The following ABTB2 variants were observed in gnomAD, a reference collection of about 807,000 sequenced individuals.
ABTB2 encodes ankyrin repeat and BTB/POZ domain-containing protein 2.
Under a neutral mutation model 104.1 loss-of-function variants are expected in ABTB2, and 56 were observed. The observed-to-expected ratio is 0.54, with a 90% CI of 0.43 to 0.67. ABTB2 has a LOEUF of 0.67. ABTB2 is among the 30% of genes least tolerant of loss of function. The probability of loss-of-function intolerance (pLI) is 0.00; values close to 1 mark genes in which losing one functional copy is unlikely to be tolerated. For synonymous variants in ABTB2, 606 were observed against 608.2 expected (o/e 1.00, Z 0.05); for missense variants, 1,279 against 1,407.7 (o/e 0.91, Z 1.46).
At chr11:34,302,201 C>T (rs1402992770) in intron 1 of ABTB2, among the ~76,000 whole-genome samples, 1 of 152,244 alleles carries the variant, frequency 6.6e-6, no homozygotes, top group Non-Finnish European at 1.5e-5. Flanking sequence ...CTCTTCCCCA[C>T]CACAACTGGA....
chr11:34,272,720 A>AC (rs1264453144), intron 1 of ABTB2, among the ~76,000 whole-genome samples: 4 of 149,582 alleles, frequency 2.7e-5, no homozygotes, highest in African/African-American at 9.9e-5. Context: ...AAAAAAAAAA[A>AC]AAAAAAAAAA....
At position 34,336,767 on chromosome 11, in the gene ABTB2, G is replaced by T. The variant is rs542103777; in HGVS notation, c.883+19934C>A. Among the ~76,000 whole-genome samples the T allele has an allele frequency of 3.2e-4, 48 of 152,104 alleles. No homozygotes were observed. In the South Asian group the frequency reaches 9.3e-3, roughly 30 times the overall value. The stretch of plus-strand genomic sequence containing the variant: ...AGGGTTAATGCTTGCATATGGGTGG[G>T]CTCCCTCCCCATGCCAAAGGAAGGG... On this transcript the variant is annotated intron_variant, in intron 1 of 16. Transcript: ENST00000435224.
At chr11:34,168,042 A>G (rs756595733) in intron 5 of ABTB2, 50 bp from the exon 6 acceptor site, 1 of 1,566,966 alleles carries the variant, frequency 6.4e-7, no homozygotes, top group African/African-American at 1.4e-5. Context: ...AGAACACAAC[A>G]CCATGTGCCC....
intron 1 of ABTB2, among the ~76,000 whole-genome samples, chr11:34,295,407 G>GT (rs1373899681): frequency 1.3e-5 from 2 of 152,096 alleles, no homozygotes; most frequent in African/African-American, 4.8e-5. Context: ...AGAGTGCTCT[G>GT]TTTGGGAAAG....
intron 1 of ABTB2, among the ~76,000 whole-genome samples, chr11:34,293,471 T>C (rs988962482): frequency 6.6e-6 from 1 of 152,036 alleles, no homozygotes; most frequent in Admixed American, 6.6e-5. Context: ...CCTAGAGAGC[T>C]CTCTCAACCC....
rs557714932 is a variant in ABTB2 at position 34,301,085 on chromosome 11, C to T, written c.883+55616G>A. Among the ~76,000 whole-genome samples, 108 of 152,194 alleles carry T rather than the reference C, an allele frequency of 7.1e-4. 3 individuals are homozygous for T. In the South Asian group the frequency reaches 0.017, roughly 23 times the overall value. On this transcript the variant is annotated intron_variant, in intron 1 of 16. Transcript: ENST00000435224. ...CTTTGTGGTCTCATGTCTCTCTGTC[C>T]GATTGCCAGATATTTCTGTGGCTGG...
intron 1 of ABTB2, among the ~76,000 whole-genome samples, chr11:34,324,641 C>T (rs1012214990): frequency 1.1e-4 from 16 of 152,210 alleles, no homozygotes; most frequent in African/African-American, 3.9e-4. Context: ...CTGGATCAGC[C>T]TCCAGGAGGT....
rs1785054930 is a variant in ABTB2, at chr11:34,204,588, T to C, written c.986A>G (p.Glu329Gly). ...CACGCAGGTGGCCAGGAGGGACTGC[T>C]CCAGGGTTCGGAGCTCCAGCTGGGC... ...AYAQLELRTL[E>G]QSLLATCVGS... Residue 329 changes from glutamate (E) to glycine (G), a missense_variant, in exon 2 of 17, where the codon GAG becomes GGG. By Grantham distance (98) the Glu-to-Gly change is moderately conservative (BLOSUM62 -2). Coordinates refer to ENST00000435224, the MANE Select transcript of ABTB2 (RefSeq NM_145804.3). 1 of 1,613,586 alleles carries C rather than the reference T, an allele frequency of 6.2e-7. No homozygotes were observed. The highest frequency in any genetic ancestry group is 8.5e-7 in the Non-Finnish European group (1 of 1,179,986).
intron 1 of ABTB2, among the ~76,000 whole-genome samples, chr11:34,274,709 G>A (rs1854363930): frequency 6.6e-6 from 1 of 151,964 alleles, no homozygotes; most frequent in Non-Finnish European, 1.5e-5. Context: ...TGTCTAGGTG[G>A]GAGGTATGAG....
chr11:34,236,064 G>A (rs1853839119), intron 1 of ABTB2, among the ~76,000 whole-genome samples: 1 of 152,164 alleles, frequency 6.6e-6, no homozygotes, highest in Non-Finnish European at 1.5e-5. Context: ...GGTGCAGGCT[G>A]GTGGGTACAC....
At chr11:34,347,369 G>C (rs1400427828) in intron 1 of ABTB2, among the ~76,000 whole-genome samples, 2 of 152,164 alleles carry the variant, frequency 1.3e-5, no homozygotes, top group Non-Finnish European at 2.9e-5. Flanking sequence ...CTGGAAGGAG[G>C]AGGCTGCAGT....
chr11:34,164,197 C>A (rs1039471688), intron 9 of ABTB2, among the ~76,000 whole-genome samples: 1 of 152,182 alleles, frequency 6.6e-6, no homozygotes, highest in Non-Finnish European at 1.5e-5. Flanking sequence ...CTGACTTCAG[C>A]CTGCTGCTGT....
chr11:34,230,072 G>A (rs61376656), intron 1 of ABTB2, among the ~76,000 whole-genome samples: 2,025 of 152,292 alleles, frequency 0.013, 42 homozygotes, highest in African/African-American at 0.045. Flanking sequence ...AATGGGCAAG[G>A]GTTCTCTGTT....
chr11:34,342,840 T>C (rs1405975411), intron 1 of ABTB2, among the ~76,000 whole-genome samples: 4 of 152,226 alleles, frequency 2.6e-5, no homozygotes, highest in Non-Finnish European at 5.9e-5. Context: ...ACTTTGTTTC[T>C]TCATCTTAAA....
chr11:34,207,323 T>C (rs1279785673), intron 1 of ABTB2, among the ~76,000 whole-genome samples: 1 of 152,248 alleles, frequency 6.6e-6, no homozygotes, highest in Admixed American at 6.5e-5. Context: ...AGAAATATTA[T>C]GTCAATGGAG....
intron 3 of ABTB2, among the ~76,000 whole-genome samples, chr11:34,185,692 G>C (rs1853088379): frequency 6.6e-6 from 1 of 152,172 alleles, no homozygotes; most frequent in Non-Finnish European, 1.5e-5. Flanking sequence ...GGGTTGGGGG[G>C]AGAGGTGGGT....
intron 1 of ABTB2, among the ~76,000 whole-genome samples, chr11:34,304,927 C>T (rs1269393283): frequency 6.6e-6 from 1 of 152,212 alleles, no homozygotes; most frequent in African/African-American, 2.4e-5. Flanking sequence ...CTGCCAGTCT[C>T]AGTTCCCAGG....
chr11:34,199,283 C>A (rs984533391), intron 2 of ABTB2, among the ~76,000 whole-genome samples: 2 of 152,308 alleles, frequency 1.3e-5, no homozygotes, highest in African/African-American at 4.8e-5. Flanking sequence ...CAGGAAAGTC[C>A]TCCTTGTCCC....
chr11:34,200,071 G>A (rs1323433558), intron 2 of ABTB2, among the ~76,000 whole-genome samples: 1 of 152,026 alleles, frequency 6.6e-6, no homozygotes, highest in African/African-American at 2.4e-5. Flanking sequence ...CAGCCAACCC[G>A]CCTCACAGCA....
Sources: allele counts gnomAD v4.1 joint callset (sites outside exome capture counted in the v4.1 genomes callset), GRCh38; gene constraint gnomAD v4.1.1; transcripts MANE v1.5; gene names NCBI Gene and HGNC (gene_info 2026-07-23, HGNC 2026-07-21).